Variants in NRXN2 observed in about 807,000 individuals in gnomAD.
The protein encoded by NRXN2 is neurexin-2-beta.
NRXN2 carries 29 observed loss-of-function variants against 128.8 expected under a neutral mutation model. The observed-to-expected ratio is 0.23, with a 90% CI of 0.17 to 0.31. The LOEUF (loss-of-function observed/expected upper bound fraction) is 0.31, where lower values mean the gene tolerates loss of function less well. NRXN2 is among the 10% of genes least tolerant of loss of function. The pLI is 1.00. For synonymous variants in NRXN2, 1,098 were observed against 1,075.2 expected, an observed-to-expected ratio of 1.02 and a Z score of -0.41; for missense variants, 1,881 against 2,452.6, an observed-to-expected ratio of 0.77 and a Z score of 4.92.
chr11:64,662,578 G>A (rs546381123), intron 9 of NRXN2, among the ~76,000 whole-genome samples: 4 of 152,104 alleles, frequency 2.6e-5, no homozygotes, highest in East Asian at 3.9e-4. Context: ...TCAGGAGATC[G>A]AGACCATCCT....
intron 2 of NRXN2, among the ~76,000 whole-genome samples, chr11:64,699,294 A>G (rs2135612584): frequency 6.6e-6 from 1 of 152,124 alleles, no homozygotes; most frequent in South Asian, 2.1e-4. Context: ...ACAGCTCTTT[A>G]TCTCCCATTT....
In NRXN2 at chr11:64,707,707, A is replaced by C. The variant is rs182440400; in HGVS notation, c.730+5263T>G. 1.8e-4 allele frequency among the ~76,000 whole-genome samples: 28 copies of C among 152,366 alleles called. 1 individual carries two copies. Among genetic ancestry groups the C allele is most frequent in the Non-Finnish European group, 7.3e-5 (5 of 68,040 alleles). On this transcript the variant is annotated intron_variant, in intron 2 of 22. Transcript: ENST00000265459. ...TAGATAAGGAAATGGGGGCAAAGAG[A>C]GTTTAAGTATAAAGTCACTGCCTGG...
chr11:64,713,638 G>A lies in NRXN2; in HGVS notation c.62C>T (p.Ala21Val). ...CAGGCCGTCCGCGCGCGCCGCCAGC[G>A]CCAGCAGCAGCAGCAACAGCAGCGG... is the stretch of plus-strand genomic sequence containing the variant. The part of the protein sequence containing the change: ...PPPLLLLLLL[A>V]LAARADGLEF... The change falls in exon 2 of 23, where the codon GCG becomes GTG. Residue 21 changes from alanine (A) to valine (V), a missense_variant. Transcript: ENST00000265459. 2 of 1,245,628 alleles carry A rather than the reference G, an allele frequency of 1.6e-6. No individual in the cohort carries two copies. The highest frequency in any genetic ancestry group is 3.5e-5 in the Admixed American group (1 of 28,718). 77.2% of individuals were successfully genotyped at this position (1,245,628 alleles called of 1,614,324 possible).
rs994504905 is a variant in NRXN2 at position 64,648,967 on chromosome 11, G to A, written c.3110-60C>T. 1 of 1,568,652 alleles carries A rather than the reference G, an allele frequency of 6.4e-7. No individual in the cohort carries two copies. On this transcript the variant is annotated intron_variant, in intron 15 of 22. Transcript: ENST00000265459. The surrounding 1 kb of genome is among the most constrained non-coding windows in gnomAD (Gnocchi z 4.1). ...TCCCCATTCCCATCCCAAGACAATGGCATCTGGCTGTCAGGTCCTCCCAGC... is the reference window on the plus strand; with the variant it reads ...TCCCCATTCCCATCCCAAGACAATGACATCTGGCTGTCAGGTCCTCCCAGC...
chr11:64,716,966 C>A (rs1255620310), intron 1 of NRXN2, among the ~76,000 whole-genome samples: 1 of 152,088 alleles, frequency 6.6e-6, no homozygotes, highest in Non-Finnish European at 1.5e-5. Context: ...CAGGCCAAGG[C>A]TGCTGCCGAC....
intron 6 of NRXN2, 68 bp downstream of exon 6, chr11:64,685,578 C>G: frequency 6.3e-7 from 1 of 1,599,510 alleles, no homozygotes; most frequent in Non-Finnish European, 8.6e-7. Flanking sequence ...CTCCCGGCAG[C>G]CCCCTCTCCC....
chr11:64,627,421 C>T (rs1246851048), intron 19 of NRXN2, among the ~76,000 whole-genome samples: 2 of 151,782 alleles, frequency 1.3e-5, no homozygotes, highest in South Asian at 4.2e-4. Flanking sequence ...TCCTCTGCCC[C>T]GAATGCACCT....
In NRXN2 at chr11:64,667,534, G is replaced by A. The variant is rs200334993; in HGVS notation, c.1514C>T (p.Ala505Val). Residue 505 changes from alanine to valine, a missense_variant, in exon 9 of 23, where the codon GCG becomes GTG. Physicochemically the swap from Ala to Val is moderately conservative, Grantham distance 64. Transcript: ENST00000265459. The surrounding 1 kb of genome is among the most constrained non-coding windows in gnomAD (Gnocchi z 5.6). ...VTFESPEAFV[A>V]LPRWSAKRTG... ...GCGCTTAGCGCTCCAGCGGGGCAGC[G>A]CCACAAAGGCCTCGGGACTCTCAAA... 3.1e-4 allele frequency: 500 copies of A among 1,614,080 alleles called. 1 individual carries two copies. Among genetic ancestry groups the A allele is most frequent in the South Asian group, 2.9e-3 (268 of 91,088 alleles).
intron 3 of NRXN2, 46 bp from the exon 4 acceptor site, chr11:64,692,922 G>GA (rs1397639727): frequency 2.7e-6 from 4 of 1,503,020 alleles, no homozygotes; most frequent in South Asian, 1.2e-5. Context: ...AAAAGAAGAA[G>GA]AAAAAAGAAA....
intron 17 of NRXN2, among the ~76,000 whole-genome samples, chr11:64,636,496 G>T: frequency 6.6e-6 from 1 of 152,104 alleles, no homozygotes; most frequent in South Asian, 2.1e-4. Flanking sequence ...GCAGAGAAGG[G>T]AAGGGTAGAG....
Position 64,713,604 on chromosome 11 carries a change from G to A in NRXN2, c.96C>T (p.Gly32=). 7.5e-7 allele frequency: 1 copy of A among 1,326,586 alleles called. No individual in the cohort carries two copies. The highest frequency in any genetic ancestry group is 9.6e-7 in the Non-Finnish European group (1 of 1,037,174). 82.2% of individuals were successfully genotyped at this position (1,326,586 alleles called of 1,614,324 possible). ...AGCGAGCCCACTGCCCGGGGCCGCCGCCGAACTCCAGGCCGTCCGCGCGCG... is the reference window on the plus strand; with the variant it reads ...AGCGAGCCCACTGCCCGGGGCCGCCACCGAACTCCAGGCCGTCCGCGCGCG... The part of the protein sequence containing the change: ...LAARADGLEF[G]GGPGQWARYA... Residue 32 remains glycine, a synonymous_variant, in exon 2 of 23, where the codon GGC becomes GGT. Transcript: ENST00000265459.
In NRXN2 at chr11:64,652,002, A is replaced by G. The variant is rs1293792706; in HGVS notation, c.2536+33T>C. The G allele has an allele frequency of 1.9e-6, 3 of 1,606,740 alleles. No homozygotes were observed. The Admixed American group carries it at 5.0e-5, about 27-fold the overall frequency. On this transcript the variant is annotated intron_variant, in intron 13 of 22. Coordinates refer to ENST00000265459, the MANE Select transcript of NRXN2 (RefSeq NM_015080.4). ...CAGGGCCAAGCATAGGTCACTGGAG[A>G]TGTGTCCACCTCCCTGGGCCCAGAC... is the stretch of plus-strand genomic sequence containing the variant.
In NRXN2 at chr11:64,638,078, A is replaced by C. The variant is rs375361079; in HGVS notation, c.3404-2626T>G. ...GAAACATGGCGGTGAAGGCACAAAG[A>C]CAGACCAGGGAAGGCGGCCCCAGGA... On this transcript the variant is annotated intron_variant, in intron 17 of 22. Transcript: ENST00000265459. Among the ~76,000 whole-genome samples the C allele has an allele frequency of 1.2e-4, 19 of 152,004 alleles. 2 individuals are homozygous for C. Among genetic ancestry groups the C allele is most frequent in the Admixed American group, 8.5e-4 (13 of 15,284 alleles).
intron 2 of NRXN2, among the ~76,000 whole-genome samples, chr11:64,711,518 C>G (rs1221951867): frequency 1.3e-5 from 2 of 152,106 alleles, no homozygotes; most frequent in Non-Finnish European, 2.9e-5. Context: ...AGCCCCGCCC[C>G]GGGCCGCTCA....
At chr11:64,674,884 A>T (rs1231450111) in intron 7 of NRXN2, among the ~76,000 whole-genome samples, 1 of 152,250 alleles carries the variant, frequency 6.6e-6, no homozygotes. Context: ...CCCATGTAGT[A>T]GGCAATGCAG....
chr11:64,648,639 T>C lies in NRXN2; in HGVS notation c.3283+95A>G. On this transcript the variant is annotated intron_variant, in intron 16 of 22. Transcript: ENST00000265459. The surrounding 1 kb of genome is among the most constrained non-coding windows in gnomAD (Gnocchi z 4.1). The stretch of plus-strand genomic sequence containing the variant: ...CATAAGGCCTGAGAAGGAAGGCCCC[T>C]TGGCAGAGCAAAGGCTACCTGCCCC... 2.0e-6 allele frequency: 3 copies of C among 1,529,244 alleles called. No individual in the cohort carries two copies. The South Asian group carries it at 3.4e-5, about 17-fold the overall frequency. 94.7% of individuals were successfully genotyped at this position (1,529,244 alleles called of 1,614,324 possible). A position where few individuals can be genotyped will look rare whatever the true frequency, so the allele number is the denominator to read the frequency against.
chr11:64,619,389 C>T (rs998589530), intron 22 of NRXN2, among the ~76,000 whole-genome samples: 4 of 151,914 alleles, frequency 2.6e-5, no homozygotes, highest in Admixed American at 2.6e-4. Context: ...TGCTCTTGGC[C>T]ACCCCCAACC....
In NRXN2 at chr11:64,606,787, A is replaced by C. The variant is rs575262889; in HGVS notation, c.*409T>G. 7 of 189,464 alleles carry C rather than the reference A, an allele frequency of 3.7e-5. No homozygotes were observed. The highest frequency in any genetic ancestry group is 1.2e-4 in the East Asian group (1 of 8,054). 11.7% of individuals were successfully genotyped at this position (189,464 alleles called of 1,614,324 possible). A position where few individuals can be genotyped will look rare whatever the true frequency, so the allele number is the denominator to read the frequency against. Reference sequence around the variant, plus strand: ...GATTGGAGGGCTTGGGAAGAGAAGGAAGGCAGGAGGGACAGAAGGAAGAAG... The same window carrying C: ...GATTGGAGGGCTTGGGAAGAGAAGGCAGGCAGGAGGGACAGAAGGAAGAAG... On this transcript the variant is annotated 3_prime_UTR_variant, in exon 23 of 23. Coordinates refer to ENST00000265459, the MANE Select transcript of NRXN2 (RefSeq NM_015080.4).
intron 9 of NRXN2, among the ~76,000 whole-genome samples, chr11:64,663,621 T>C (rs1000536849): frequency 6.6e-6 from 1 of 152,060 alleles, no homozygotes; most frequent in African/African-American, 2.4e-5. Flanking sequence ...CCTCCTGGGC[T>C]TTACACGACT....
Sources: allele counts gnomAD v4.1 joint callset (sites outside exome capture counted in the v4.1 genomes callset), GRCh38; gene constraint gnomAD v4.1.1; non-coding constraint Gnocchi (gnomAD v3.1); transcripts MANE v1.5; gene names NCBI Gene and HGNC (gene_info 2026-07-23, HGNC 2026-07-21).